Variants in STAT6 observed in about 807,000 individuals in gnomAD.
STAT6 encodes the protein STAT, interleukin4-induced.
A neutral mutation model predicts 106.3 loss-of-function variants in STAT6; 45 were observed. That is an observed-to-expected ratio of 0.42 (90% confidence interval 0.33 to 0.54). The LOEUF (loss-of-function observed/expected upper bound fraction) is 0.54, where lower values mean the gene tolerates loss of function less well. Among genes scored for constraint, STAT6 ranks in the 20% least tolerant of loss-of-function variants. The probability of loss-of-function intolerance (pLI) is 0.06; values close to 1 mark genes in which losing one functional copy is unlikely to be tolerated. For synonymous variants in STAT6, 413 were observed against 413.6 expected (o/e 1.00, Z 0.02); for missense variants, 797 against 1,062.2 (o/e 0.75, Z 3.47).
Position 57,102,319 on chromosome 12 carries a change from G to T in STAT6, c.1483C>A (p.Arg495Ser). 1 of 1,614,130 alleles carries T rather than the reference G, an allele frequency of 6.2e-7. No individual in the cohort carries two copies. The highest frequency in any genetic ancestry group is 8.5e-7 in the Non-Finnish European group (1 of 1,180,016). The change falls in exon 13 of 22, where the codon CGT (arginine) becomes AGT (serine). Residue 495 changes from arginine (R) to serine (S), a missense_variant. Arg to Ser is a moderately radical substitution (Grantham distance 110). This residue lies in a region of STAT6 where 222 missense variants were observed against 354.6 expected (regional missense o/e 0.63). Coordinates refer to ENST00000300134, the MANE Select transcript of STAT6 (RefSeq NM_003153.5). Reference protein sequence around the residue: ...NSLSMEAFQHRSVSWSQFNKE... With the variant: ...NSLSMEAFQHSSVSWSQFNKE... Reference sequence around the variant, plus strand: ...TTGAACTGCGACCAGGACACAGAACGGTGCTGGAAGGCCTCCATACTGAGG... The same window carrying T: ...TTGAACTGCGACCAGGACACAGAACTGTGCTGGAAGGCCTCCATACTGAGG...
chr12:57,100,459 C>T (rs1465095305), intron 13 of STAT6, among the ~76,000 whole-genome samples: 1 of 152,010 alleles, frequency 6.6e-6, no homozygotes, highest in Non-Finnish European at 1.5e-5. Flanking sequence ...CTCTTAACTA[C>T]TATGCTACAC....
intron 1 of STAT6, among the ~76,000 whole-genome samples, chr12:57,109,637 G>C (rs562057163): frequency 1.3e-5 from 2 of 152,130 alleles, no homozygotes; most frequent in Non-Finnish European, 2.9e-5. Context: ...GAAAAAAGGC[G>C]GGTTTAGTAA....
chr12:57,103,335 T>G, intron 11 of STAT6: 1 of 160,384 alleles, frequency 6.2e-6, no homozygotes, highest in Non-Finnish European at 1.4e-5. Context: ...GGCTAATTTT[T>G]TGTATTTTTA....
rs2033702652 is a variant in STAT6 at position 57,099,842 on chromosome 12, C to T, written c.1669G>A (p.Gly557Arg). 1.9e-6 allele frequency: 3 copies of T among 1,614,194 alleles called. No individual in the cohort carries two copies. Among genetic ancestry groups the T allele is most frequent in the Non-Finnish European group, 1.7e-6 (2 of 1,180,034 alleles). ...TCGCTGAAGCGGAGGAGAAAGGTTC[C>T]GTCGGGCTCATTGAGAAGAAGGCTA... Reference protein sequence around the residue: ...VTSLLLNEPDGTFLLRFSDSE... With the variant: ...VTSLLLNEPDRTFLLRFSDSE... The change falls in exon 15 of 22, where the codon GGA becomes AGA. Residue 557 changes from glycine (G) to arginine (R), a missense_variant. Gly to Arg is a moderately radical substitution (Grantham distance 125). This residue lies in a region of STAT6 where 222 missense variants were observed against 354.6 expected (regional missense o/e 0.63). Transcript: ENST00000300134. The surrounding 1 kb of genome is among the most constrained non-coding windows in gnomAD (Gnocchi z 4.7).
Position 57,099,150 on chromosome 12 carries a change from C to T in STAT6, c.1892-72G>A. On this transcript the variant is annotated intron_variant, in intron 16 of 21. Coordinates refer to ENST00000300134, the MANE Select transcript of STAT6 (RefSeq NM_003153.5). The surrounding 1 kb of genome is among the most constrained non-coding windows in gnomAD (Gnocchi z 4.7). ...GAGGAAGGGAGGTGGAAAAGGTGGG[C>T]ATGGATCATGGGGAAGTAAGAGAAG... 1.2e-6 allele frequency: 2 copies of T among 1,600,842 alleles called. No individual in the cohort carries two copies. Among genetic ancestry groups the T allele is most frequent in the East Asian group, 2.2e-5 (1 of 44,844 alleles).
chr12:57,098,413 G>T, intron 19 of STAT6, 92 bp downstream of exon 19: 1 of 1,254,858 alleles, frequency 8.0e-7, no homozygotes, highest in Non-Finnish European at 1.2e-6. Flanking sequence ...GTTAGCATTT[G>T]CTGCTCCTTT....
At position 57,100,093 on chromosome 12, in the gene STAT6, A is replaced by AG. The variant is rs1430658104; in HGVS notation, c.1513-4dup. 1 of 1,586,774 alleles carries AG rather than the reference A, an allele frequency of 6.3e-7. No homozygotes were observed. The highest frequency in any genetic ancestry group is 8.6e-7 in the Non-Finnish European group (1 of 1,166,694). ...AAGCCACGGCCCAGCAGGATCTCCT[A>AG]GGGGGAGAGGGGGAAAGGTGTGAGC... On this transcript the variant is annotated splice_polypyrimidine_tract_variant and splice_region_variant and intron_variant, in intron 13 of 21. Transcript: ENST00000300134.
rs1055663007 is a variant in STAT6 at position 57,105,824 on chromosome 12, G to A, written c.681-225C>T. 1.3e-4 allele frequency: 100 copies of A among 782,390 alleles called. No individual in the cohort carries two copies. The African/African-American group carries it at 1.5e-3, about 12-fold the overall frequency. The allele number at this position is 782,390 out of a possible 1,614,324, so 48.5% of individuals were successfully genotyped here. On this transcript the variant is annotated intron_variant, in intron 7 of 21. Transcript: ENST00000300134. ...TGCCTACACCCCCTGTGGAAACCCA[G>A]CTGCCTCTCCCCCGACGGCTCTTGC... is the stretch of plus-strand genomic sequence containing the variant.
chr12:57,104,195 G>T, intron 11 of STAT6: 1 of 458,694 alleles, frequency 2.2e-6, no homozygotes, highest in Non-Finnish European at 4.0e-6. Context: ...ACGTGTGTGT[G>T]CTGGCACGCA....
In STAT6 at chr12:57,099,561, T is replaced by C; in HGVS notation, c.1745-121A>G. The C allele has an allele frequency of 2.1e-6, 3 of 1,449,192 alleles. No individual in the cohort carries two copies. Among genetic ancestry groups the C allele is most frequent in the Non-Finnish European group, 2.8e-6 (3 of 1,060,692 alleles). The allele number at this position is 1,449,192 out of a possible 1,614,324, so 89.8% of individuals were successfully genotyped here. Reference sequence around the variant, plus strand: ...AGGGAGAGAGGACCTAGGGTGGGGCTCCTGAGGGAGAGAGACCCACTAGTC... The same window carrying C: ...AGGGAGAGAGGACCTAGGGTGGGGCCCCTGAGGGAGAGAGACCCACTAGTC... On this transcript the variant is annotated intron_variant, in intron 15 of 21. Transcript: ENST00000300134. The surrounding 1 kb of genome is among the most constrained non-coding windows in gnomAD (Gnocchi z 4.7).
At position 57,107,244 on chromosome 12, in the gene STAT6, G is replaced by A. The variant is rs570858641; in HGVS notation, c.326C>T (p.Ala109Val). The A allele has an allele frequency of 1.8e-5, 29 of 1,614,172 alleles. No individual in the cohort carries two copies. In the African/African-American group the frequency reaches 2.8e-4, roughly 16 times the overall value. ...FRQILQGEKK[A>V]VMEQFRHLPM... The stretch of plus-strand genomic sequence containing the variant: ...ATATCACAATACCTGTTCCATAACA[G>A]CTTTTTTCTCTCCTTGAAGTATTTG... Residue 109 changes from alanine to valine, a missense_variant, in exon 4 of 22, where the codon GCT (alanine) becomes GTT (valine). Physicochemically the swap from Ala to Val is moderately conservative, Grantham distance 64. Around this residue, in one of 4 missense-constraint regions of STAT6, gnomAD observed 336 missense variants for 429.8 expected, o/e 0.78. Coordinates refer to ENST00000300134, the MANE Select transcript of STAT6 (RefSeq NM_003153.5).
intron 3 of STAT6, 127 bp from the exon 4 acceptor site, chr12:57,107,441 G>C: frequency 7.7e-7 from 1 of 1,299,102 alleles, no homozygotes; most frequent in Non-Finnish European, 1.1e-6. Flanking sequence ...AGAAGTTTTT[G>C]TGCATTTGCA....
Position 57,097,108 on chromosome 12 carries a change from G to C in STAT6, c.2185C>G (p.Leu729Val). Residue 729 changes from leucine (L) to valine (V), a missense_variant, in exon 20 of 22, where the codon CTG (leucine) becomes GTG (valine). Physicochemically the swap from Leu to Val is conservative, Grantham distance 32. Transcript: ENST00000300134. ...TCAAAGGGCAGGCTCATCTGGCCCA[G>C]GCTGGGGGGCATCTGCAGGTGAGGC... ...QEPHLQMPPS[L>V]GQMSLPFDQP... 2.6e-6 allele frequency: 4 copies of C among 1,519,354 alleles called. No homozygotes were observed. The highest frequency in any genetic ancestry group is 3.5e-6 in the Non-Finnish European group (4 of 1,134,442). The allele number at this position is 1,519,354 out of a possible 1,614,324, so 94.1% of individuals were successfully genotyped here. A position where few individuals can be genotyped will look rare whatever the true frequency, so the allele number is the denominator to read the frequency against.
At position 57,104,446 on chromosome 12, in the gene STAT6, G is replaced by A; in HGVS notation, c.1212+18C>T. 1 of 1,600,222 alleles carries A rather than the reference G, an allele frequency of 6.2e-7. No homozygotes were observed. Among genetic ancestry groups the A allele is most frequent in the East Asian group, 2.3e-5 (1 of 44,368 alleles). On this transcript the variant is annotated intron_variant, in intron 11 of 21. Coordinates refer to ENST00000300134, the MANE Select transcript of STAT6 (RefSeq NM_003153.5). ...GACTCGGGGTCCCAGATTGGGGCAG[G>A]GCTGGGCCACGGTTCACCTGGAGCT...
Position 57,106,773 on chromosome 12 carries a change from C to G in STAT6, c.398G>C (p.Gly133Ala), listed in dbSNP as rs761852923. ...TACTCGGTGCTGCAGCCTCCGCAAG[C>G]CTGTCTTAAACTTGAGTTCTTCCTG... ...WKQEELKFKT[G>A]LRRLQHRVGE... The change falls in exon 5 of 22, where the codon GGC becomes GCC. Residue 133 changes from glycine to alanine, a missense_variant. Physicochemically the swap from Gly to Ala is moderately conservative, Grantham distance 60. Coordinates refer to ENST00000300134, the MANE Select transcript of STAT6 (RefSeq NM_003153.5). 6 of 1,614,176 alleles carry G rather than the reference C, an allele frequency of 3.7e-6. No homozygotes were observed. The highest frequency in any genetic ancestry group is 5.1e-6 in the Non-Finnish European group (6 of 1,180,032).
In STAT6 at chr12:57,108,235, A is replaced by G. The variant is rs1242194213; in HGVS notation, c.44T>C (p.Val15Ala). The G allele has an allele frequency of 1.2e-6, 2 of 1,613,036 alleles. No individual in the cohort carries two copies. The highest frequency in any genetic ancestry group is 1.7e-6 in the Non-Finnish European group (2 of 1,179,596). The change falls in exon 2 of 22, where the codon GTG (valine) becomes GCG (alanine). Residue 15 changes from valine (V) to alanine (A), a missense_variant. By Grantham distance (64) the Val-to-Ala change is moderately conservative (BLOSUM62 0). Coordinates refer to ENST00000300134, the MANE Select transcript of STAT6 (RefSeq NM_003153.5). ...GGGAAAGTCGACATAGAGCCGCTGC[A>G]CTTTTTCTGGGGGCATCTTGGAGAC... ...GLVSKMPPEK[V>A]QRLYVDFPQH...
rs746889074 is a variant in STAT6 at position 57,102,800 on chromosome 12, G to A, written c.1305+29C>T. 2.5e-6 allele frequency: 4 copies of A among 1,583,928 alleles called. No individual in the cohort carries two copies. In the South Asian group the frequency reaches 4.4e-5, roughly 18 times the overall value. On this transcript the variant is annotated intron_variant, in intron 12 of 21. Transcript: ENST00000300134. Reference sequence around the variant, plus strand: ...CCATGTTAGAACCCACCCTGCCCCTGTTCCCTCCAACTCCAGGACTTTCCT... The same window carrying A: ...CCATGTTAGAACCCACCCTGCCCCTATTCCCTCCAACTCCAGGACTTTCCT...
Position 57,099,691 on chromosome 12 carries a change from TC to T in STAT6, c.1744+75del. The T allele has an allele frequency of 6.3e-7, 1 of 1,592,722 alleles. No homozygotes were observed. Among genetic ancestry groups the T allele is most frequent in the Non-Finnish European group, 8.6e-7 (1 of 1,166,832 alleles). ...AAGATCAGGATCGGCATCAGGAAGG[TC>T]AGGACATTTCATTCCCAGAAGAAAC... On this transcript the variant is annotated intron_variant, in intron 15 of 21. Coordinates refer to ENST00000300134, the MANE Select transcript of STAT6 (RefSeq NM_003153.5). This position sits in a 1 kb window ranked among gnomAD's most constrained non-coding sequence, Gnocchi z 4.7.
intron 13 of STAT6, 57 bp from the exon 14 acceptor site, chr12:57,100,147 T>C: frequency 2.7e-6 from 4 of 1,480,940 alleles, no homozygotes; most frequent in Non-Finnish European, 3.7e-6. Flanking sequence ...GGAGCCTGTT[T>C]AGGGCAGGCA....
Sources: gnomAD v4.1 joint callset for allele counts (sites outside exome capture counted in the v4.1 genomes callset) on GRCh38, gnomAD v4.1.1 for gene constraint, gnomAD v4.1.1 regional missense constraint, Gnocchi (gnomAD v3.1) non-coding constraint, MANE v1.5 for transcripts, NCBI Gene and HGNC (gene_info 2026-07-23, HGNC 2026-07-21) for gene names.